The following ZNF148 variants were observed in gnomAD, a reference collection of about 807,000 sequenced individuals.
ZNF148 encodes Beta-Enolase Repressor Factor-1.
In ZNF148, 7 loss-of-function variants were observed where a neutral mutation model predicts 67.7. The observed-to-expected ratio is 0.10, with a 90% CI of 0.06 to 0.19. The LOEUF (loss-of-function observed/expected upper bound fraction) is 0.19. Among genes scored for constraint, ZNF148 ranks in the 10% least tolerant of loss-of-function variants. ZNF148 has a pLI of 1.00. For missense variants in ZNF148, 583 were observed against 947.1 expected (o/e 0.62, Z 5.05); for synonymous variants, 333 against 330.7 (o/e 1.01, Z -0.08).
At chr3:125,273,171 A>G (rs1215998744) in intron 7 of ZNF148, among the ~76,000 whole-genome samples, 1 of 152,242 alleles carries the variant, frequency 6.6e-6, no homozygotes, top group Admixed American at 6.5e-5. Context: ...AGAGTAAATC[A>G]ACATTCTCTC....
chr3:125,372,595 A>AG (rs1942925825), intron 1 of ZNF148, among the ~76,000 whole-genome samples: 1 of 152,244 alleles, frequency 6.6e-6, no homozygotes, highest in Non-Finnish European at 1.5e-5. Flanking sequence ...TAGCAGCCTC[A>AG]GTAAAGTGGA....
At chr3:125,275,296 C>T (rs981553240) in intron 7 of ZNF148, among the ~76,000 whole-genome samples, 1 of 152,182 alleles carries the variant, frequency 6.6e-6, no homozygotes, top group Non-Finnish European at 1.5e-5. Flanking sequence ...CTACACTGTT[C>T]TCTCTAACAT....
At position 125,285,052 on chromosome 3, in the gene ZNF148, C is replaced by T. The variant is rs1341647477; in HGVS notation, c.459+3051G>A. On this transcript the variant is annotated intron_variant, in intron 5 of 8. Transcript: ENST00000360647. The stretch of plus-strand genomic sequence containing the variant: ...CCATAGTTACATGGATGTTTATAAG[C>T]TCTGATGTTTTTACTAAAACTCTAT... Among the ~76,000 whole-genome samples the T allele has an allele frequency of 2.6e-5, 4 of 152,280 alleles. No individual in the cohort carries two copies. The East Asian group carries it at 7.7e-4, about 29-fold the overall frequency.
At chr3:125,248,347 G>C (rs958405046) in intron 7 of ZNF148, among the ~76,000 whole-genome samples, 1 of 152,024 alleles carries the variant, frequency 6.6e-6, no homozygotes, top group Non-Finnish European at 1.5e-5. Context: ...CTGAAAACAA[G>C]TGCCCTATAA....
intron 2 of ZNF148, among the ~76,000 whole-genome samples, chr3:125,329,284 A>G (rs1035941722): frequency 2.1e-5 from 3 of 141,724 alleles, no homozygotes; most frequent in African/African-American, 8.5e-5. Flanking sequence ...ATTTATATGT[A>G]TATGTATATA....
intron 7 of ZNF148, among the ~76,000 whole-genome samples, chr3:125,240,334 G>A (rs1391370393): frequency 1.3e-5 from 2 of 152,010 alleles, no homozygotes; most frequent in Admixed American, 6.6e-5. Flanking sequence ...CCAAGCCACC[G>A]TCTCTGAATG....
intron 1 of ZNF148, among the ~76,000 whole-genome samples, chr3:125,371,221 T>G (rs1942868102): frequency 6.6e-6 from 1 of 151,626 alleles, no homozygotes; most frequent in South Asian, 2.1e-4. Context: ...CTGGGAGTGG[T>G]GGCTCATGCC....
intron 4 of ZNF148, among the ~76,000 whole-genome samples, chr3:125,295,969 C>T (rs963151040): frequency 1.3e-5 from 2 of 151,922 alleles, no homozygotes; most frequent in African/African-American, 4.8e-5. Context: ...CTTGGATACA[C>T]AAAGGATTAG....
intron 1 of ZNF148, among the ~76,000 whole-genome samples, chr3:125,360,496 G>C (rs1401619808): frequency 1.3e-5 from 2 of 151,836 alleles, no homozygotes; most frequent in African/African-American, 4.8e-5. Context: ...ATGTTGCCCA[G>C]GCTGGTCTCG....
intron 7 of ZNF148, among the ~76,000 whole-genome samples, chr3:125,268,593 T>C (rs1937593318): frequency 6.6e-6 from 1 of 152,056 alleles, no homozygotes; most frequent in Non-Finnish European, 1.5e-5. Context: ...AAACAAAAAC[T>C]ATAAAAATCC....
Position 125,232,230 on chromosome 3 carries a change from G to A in ZNF148, c.*111C>T, listed in dbSNP as rs1935882113. The A allele has an allele frequency of 7.9e-7, 1 of 1,265,448 alleles. No homozygotes were observed. Among genetic ancestry groups the A allele is most frequent in the Non-Finnish European group, 1.1e-6 (1 of 944,898 alleles). The allele number at this position is 1,265,448 out of a possible 1,614,324, so 78.4% of individuals were successfully genotyped here. On this transcript the variant is annotated 3_prime_UTR_variant, in exon 9 of 9. Coordinates refer to ENST00000360647, the MANE Select transcript of ZNF148 (RefSeq NM_021964.3). This position sits in a 1 kb window ranked among gnomAD's most constrained non-coding sequence, Gnocchi z 4.2. ...CTTGCTATTCATATCAGCTTAACTTGTTATTACGCATTGCTCTTAAATCTG... is the reference window on the plus strand; with the variant it reads ...CTTGCTATTCATATCAGCTTAACTTATTATTACGCATTGCTCTTAAATCTG...
intron 1 of ZNF148, among the ~76,000 whole-genome samples, chr3:125,356,482 A>T (rs762202232): frequency 2.0e-5 from 3 of 152,232 alleles, no homozygotes; most frequent in Non-Finnish European, 4.4e-5. Flanking sequence ...CCCAAAGGAC[A>T]ACTGCAAATA....
intron 7 of ZNF148, among the ~76,000 whole-genome samples, chr3:125,256,951 A>G (rs1486461344): frequency 7.3e-6 from 1 of 136,724 alleles, no homozygotes; most frequent in Non-Finnish European, 1.6e-5. Flanking sequence ...TTATGTTTTC[A>G]GTTCCAGAAC....
At chr3:125,334,693 C>G (rs1487675139) in intron 1 of ZNF148, among the ~76,000 whole-genome samples, 1 of 152,072 alleles carries the variant, frequency 6.6e-6, no homozygotes, top group Non-Finnish European at 1.5e-5. Flanking sequence ...TATATAATTT[C>G]CCAAAGAATA....
chr3:125,346,759 C>T (rs1941958997), intron 1 of ZNF148, among the ~76,000 whole-genome samples: 1 of 152,100 alleles, frequency 6.6e-6, no homozygotes, highest in East Asian at 1.9e-4. Flanking sequence ...TTCAGGCCTC[C>T]CCAGCCAATT....
intron 3 of ZNF148, among the ~76,000 whole-genome samples, chr3:125,321,789 T>C (rs1940782811): frequency 1.3e-5 from 2 of 152,078 alleles, no homozygotes; most frequent in South Asian, 4.1e-4. Flanking sequence ...ATATTCAAAC[T>C]ATAGTTTCTG....
chr3:125,272,672 C>T (rs945235929), intron 7 of ZNF148, among the ~76,000 whole-genome samples: 8 of 151,982 alleles, frequency 5.3e-5, no homozygotes, highest in Non-Finnish European at 1.0e-4. Flanking sequence ...TACATATATA[C>T]ACACATATAA....
intron 7 of ZNF148, among the ~76,000 whole-genome samples, chr3:125,254,140 T>A (rs1408006610): frequency 6.6e-6 from 1 of 152,194 alleles, no homozygotes; most frequent in African/African-American, 2.4e-5. Flanking sequence ...TTTAGGAACA[T>A]CCATTTATCT....
chr3:125,235,770 A>T (rs541418876), intron 7 of ZNF148, among the ~76,000 whole-genome samples: 153 of 152,146 alleles, frequency 1.0e-3, no homozygotes, highest in Non-Finnish European at 1.5e-3. Context: ...CTATGCAGCC[A>T]TAAAAAAGGA....
Sources: gnomAD v4.1 joint callset for allele counts (sites outside exome capture counted in the v4.1 genomes callset) on GRCh38, gnomAD v4.1.1 for gene constraint, Gnocchi (gnomAD v3.1) non-coding constraint, MANE v1.5 for transcripts, NCBI Gene and HGNC (gene_info 2026-07-23, HGNC 2026-07-21) for gene names.